CDK8: variants seen among roughly 807,000 people sequenced by gnomAD.
The protein encoded by CDK8 is cyclin dependent kinase 8.
Under a neutral mutation model 71.5 loss-of-function variants are expected in CDK8, and 29 were observed. The ratio of observed to expected loss-of-function variants is 0.41; its 90% confidence interval spans 0.30 to 0.55. The LOEUF is 0.55. Ranked by LOEUF, CDK8 falls within the 20% of genes least tolerant of loss-of-function variation. The pLI, the probability that CDK8 is intolerant of heterozygous loss-of-function variation, is 0.37. For synonymous variants in CDK8, 161 were observed against 192.1 expected, an observed-to-expected ratio of 0.84 and a Z score of 1.34; for missense variants, 288 against 572.6, an observed-to-expected ratio of 0.50 and a Z score of 5.07.
At chr13:26,396,943 A>G (rs1050869728) in intron 8 of CDK8, among the ~76,000 whole-genome samples, 2 of 152,114 alleles carry the variant, frequency 1.3e-5, no homozygotes, top group African/African-American at 2.4e-5. Flanking sequence ...ATTGTCTTAC[A>G]TTTAATCATC....
intron 9 of CDK8, among the ~76,000 whole-genome samples, chr13:26,398,062 T>C (rs1042963439): frequency 6.6e-6 from 1 of 152,146 alleles, no homozygotes. Context: ...CTTCTGTTCT[T>C]CCTTTGTTTC....
intron 4 of CDK8, among the ~76,000 whole-genome samples, chr13:26,382,111 G>A (rs190811274): frequency 4.3e-4 from 66 of 151,962 alleles, no homozygotes; most frequent in Non-Finnish European, 8.7e-4. Flanking sequence ...CTCTTCCTTC[G>A]CTTTCCTAAA....
At chr13:26,340,062 A>G (rs1375045349) in intron 2 of CDK8, among the ~76,000 whole-genome samples, 1 of 152,000 alleles carries the variant, frequency 6.6e-6, no homozygotes, top group Non-Finnish European at 1.5e-5. Flanking sequence ...GGTGCTATTA[A>G]TCAAGTTTAG....
At chr13:26,345,376 G>A (rs961666575) in intron 2 of CDK8, among the ~76,000 whole-genome samples, 1 of 151,928 alleles carries the variant, frequency 6.6e-6, no homozygotes, top group African/African-American at 2.4e-5. Flanking sequence ...TAATGAAGTA[G>A]ATTGGTTTTT....
intron 1 of CDK8, 123 bp from the exon 2 acceptor site, chr13:26,337,444 A>G (rs1873042389): frequency 5.7e-6 from 2 of 352,212 alleles, no homozygotes; most frequent in South Asian, 8.0e-5. Flanking sequence ...ACGACATTGT[A>G]TGATTATATT....
Position 26,275,334 on chromosome 13 carries a change from T to C in CDK8, c.128+20565T>C, listed in dbSNP as rs142441336. 1.5e-3 allele frequency among the ~76,000 whole-genome samples: 227 copies of C among 152,358 alleles called. 1 individual carries two copies. Among genetic ancestry groups the C allele is most frequent in the African/African-American group, 5.3e-3 (220 of 41,592 alleles). On this transcript the variant is annotated intron_variant, in intron 1 of 12. Transcript: ENST00000381527. Reference sequence around the variant, plus strand: ...GTATTTTGAGATTTGGGTTGAATTGTATTAAATGTATAGATAGATGAATTA... The same window carrying C: ...GTATTTTGAGATTTGGGTTGAATTGCATTAAATGTATAGATAGATGAATTA...
chr13:26,326,595 C>CT (rs1379218653), intron 1 of CDK8, among the ~76,000 whole-genome samples: 2 of 152,190 alleles, frequency 1.3e-5, no homozygotes, highest in Admixed American at 6.6e-5. Context: ...ATATCTGTCT[C>CT]TAAGATCATC....
rs778690183 is a variant in CDK8, at chr13:26,269,467, A to G, written c.128+14698A>G. Among the ~76,000 whole-genome samples the G allele has an allele frequency of 2.5e-4, 38 of 152,198 alleles. 1 individual carries two copies. Among genetic ancestry groups the G allele is most frequent in the Admixed American group, 7.2e-4 (11 of 15,284 alleles). ...CCTTTAAGTTTGTGGCATAAGCTAAATTCGGAAGTAAGTAAAAAACTTAAG... is the reference window on the plus strand; with the variant it reads ...CCTTTAAGTTTGTGGCATAAGCTAAGTTCGGAAGTAAGTAAAAAACTTAAG... On this transcript the variant is annotated intron_variant, in intron 1 of 12. Coordinates refer to ENST00000381527, the MANE Select transcript of CDK8 (RefSeq NM_001260.3).
intron 1 of CDK8, among the ~76,000 whole-genome samples, chr13:26,315,134 C>T (rs1276275748): frequency 1.3e-5 from 2 of 152,054 alleles, no homozygotes; most frequent in East Asian, 3.9e-4. Context: ...TGTGCTTTTT[C>T]TTTTGGCTTG....
intron 4 of CDK8, among the ~76,000 whole-genome samples, chr13:26,376,562 T>G (rs991527015): frequency 6.6e-6 from 1 of 152,246 alleles, no homozygotes; most frequent in East Asian, 1.9e-4. Context: ...GTGTGTTTTC[T>G]CTTGCCATGC....
intron 4 of CDK8, among the ~76,000 whole-genome samples, chr13:26,370,083 A>G (rs1874595372): frequency 6.6e-6 from 1 of 152,186 alleles, no homozygotes; most frequent in Non-Finnish European, 1.5e-5. Context: ...TGTTGCTTCA[A>G]ACCTTCAAAC....
intron 4 of CDK8, among the ~76,000 whole-genome samples, chr13:26,370,816 A>G (rs964466473): frequency 1.3e-5 from 2 of 152,240 alleles, no homozygotes; most frequent in Non-Finnish European, 2.9e-5. Context: ...ATTTAGAGAA[A>G]TCTGGAACTG....
intron 4 of CDK8, among the ~76,000 whole-genome samples, chr13:26,356,975 G>A (rs1441286128): frequency 1.3e-5 from 2 of 152,120 alleles, no homozygotes; most frequent in African/African-American, 4.8e-5. Context: ...TCATATTAAG[G>A]TGGATAATTG....
rs746735436 is a variant in CDK8 at position 26,401,430 on chromosome 13, C to T, written c.1111-36C>T. 7 of 1,613,824 alleles carry T rather than the reference C, an allele frequency of 4.3e-6. No homozygotes were observed. The South Asian group carries it at 7.7e-5, about 18-fold the overall frequency. ...TCCATTGTGGGTATATTTTGTTCTC[C>T]CTCTGAGCTGAACTTTTTCTGTTTA... On this transcript the variant is annotated intron_variant, in intron 11 of 12. Transcript: ENST00000381527. The surrounding 1 kb of genome is among the most constrained non-coding windows in gnomAD (Gnocchi z 4.5).
chr13:26,273,422 A>G (rs1245342484), intron 1 of CDK8, among the ~76,000 whole-genome samples: 1 of 152,148 alleles, frequency 6.6e-6, no homozygotes, highest in East Asian at 1.9e-4. Flanking sequence ...AATGTTGGAT[A>G]TGTTAGAAAT....
chr13:26,351,013 C>T (rs1193657751), intron 3 of CDK8, among the ~76,000 whole-genome samples: 1 of 151,840 alleles, frequency 6.6e-6, no homozygotes, highest in Non-Finnish European at 1.5e-5. Flanking sequence ...TATAGAAAAT[C>T]TATAATAGGA....
At chr13:26,385,614 G>A (rs1875438778) in intron 6 of CDK8, among the ~76,000 whole-genome samples, 1 of 152,130 alleles carries the variant, frequency 6.6e-6, no homozygotes, top group South Asian at 2.1e-4. Flanking sequence ...GTGTGCACCT[G>A]TAGTCCCAGC....
At chr13:26,263,609 T>G (rs1566462253) in intron 1 of CDK8, among the ~76,000 whole-genome samples, 1 of 151,116 alleles carries the variant, frequency 6.6e-6, no homozygotes, top group African/African-American at 2.4e-5. Flanking sequence ...CCTGGCAGAT[T>G]TTGTATTTTT....
At chr13:26,347,023 G>A (rs965710150) in intron 2 of CDK8, among the ~76,000 whole-genome samples, 1 of 152,130 alleles carries the variant, frequency 6.6e-6, no homozygotes, top group Non-Finnish European at 1.5e-5. Context: ...GTTGAAACCT[G>A]TTTTAACTGA....
Sources: allele counts gnomAD v4.1 joint callset (sites outside exome capture counted in the v4.1 genomes callset), GRCh38; gene constraint gnomAD v4.1.1; non-coding constraint Gnocchi (gnomAD v3.1); transcripts MANE v1.5; gene names NCBI Gene and HGNC (gene_info 2026-07-23, HGNC 2026-07-21).